Variants in PPP2R2B observed in about 807,000 individuals in gnomAD.
The protein encoded by PPP2R2B is protein phosphatase 2 regulatory subunit Bbeta.
A neutral mutation model predicts 46.0 loss-of-function variants in PPP2R2B; 5 were observed. The observed-to-expected ratio is 0.11, with a 90% CI of 0.06 to 0.23. The LOEUF (loss-of-function observed/expected upper bound fraction) is 0.23, where lower values mean the gene tolerates loss of function less well. Ranked by LOEUF, PPP2R2B falls within the 10% of genes least tolerant of loss-of-function variation. The pLI, the probability that PPP2R2B is intolerant of heterozygous loss-of-function variation, is 1.00. For missense variants in PPP2R2B, 367 were observed against 575.0 expected (o/e 0.64, Z 3.70); for synonymous variants, 215 against 206.7 (o/e 1.04, Z -0.34).
Position 146,754,979 on chromosome 5 carries a change from TGAGA to T in PPP2R2B, c.71-53841_71-53838del, listed in dbSNP as rs1462101480. On this transcript the variant is annotated intron_variant, in intron 2 of 9. Coordinates refer to ENST00000394411, the MANE Select transcript of PPP2R2B (RefSeq NM_181675.4). ...TTGGATTGCTCACTCTCAGAAAGTG[TGAGA>T]GATAGTAAATATTTGTTATTTCAAG... Among the ~76,000 whole-genome samples, 6 of 152,236 alleles carry T rather than the reference TGAGA, an allele frequency of 3.9e-5. No homozygotes were observed. In the East Asian group the frequency reaches 1.2e-3, roughly 29 times the overall value.
chr5:146,645,633 G>C (rs1393877831), intron 6 of PPP2R2B, among the ~76,000 whole-genome samples: 2 of 152,120 alleles, frequency 1.3e-5, no homozygotes, highest in Non-Finnish European at 2.9e-5. Context: ...AGGCTACCTG[G>C]TCCCTTAATT....
At chr5:147,048,850 T>A (rs1041736585) in intron 1 of PPP2R2B, among the ~76,000 whole-genome samples, 1 of 152,182 alleles carries the variant, frequency 6.6e-6, no homozygotes, top group Non-Finnish European at 1.5e-5. Context: ...ATTTATTATA[T>A]GCTTAATATG....
chr5:146,956,706 A>G (rs769561980), intron 1 of PPP2R2B, among the ~76,000 whole-genome samples: 2 of 152,178 alleles, frequency 1.3e-5, no homozygotes, highest in Non-Finnish European at 2.9e-5. Context: ...AGTACCATAG[A>G]CTGAGTGCCT....
In PPP2R2B at chr5:147,038,028, G is replaced by A. The variant is rs191350836; in HGVS notation, c.79+17637C>T. On this transcript the variant is annotated intron_variant, in intron 1 of 8. Coordinates refer to the PPP2R2B transcript ENST00000336640. ...GCGAATCATTGCCCTCCTGGGTCAC[G>A]GAGAAGCTGGCACTCAGATTGTGTT... Among the ~76,000 whole-genome samples the A allele has an allele frequency of 9.9e-5, 15 of 152,226 alleles. No individual in the cohort carries two copies. In the East Asian group the frequency reaches 2.3e-3, roughly 24 times the overall value.
chr5:147,054,961 T>C (rs1757006526), intron 1 of PPP2R2B, among the ~76,000 whole-genome samples: 2 of 152,144 alleles, frequency 1.3e-5, no homozygotes, highest in South Asian at 4.1e-4. Context: ...TGAAAGGGAA[T>C]TGCCAGAATG....
intron 2 of PPP2R2B, among the ~76,000 whole-genome samples, chr5:146,802,911 A>G (rs918941278): frequency 2.6e-5 from 4 of 152,194 alleles, no homozygotes; most frequent in Admixed American, 1.3e-4. Context: ...CAACCTGGCT[A>G]TTAGAACTAA....
At chr5:146,887,211 T>A (rs775274351) in intron 1 of PPP2R2B, among the ~76,000 whole-genome samples, 24 of 152,140 alleles carry the variant, frequency 1.6e-4, no homozygotes, top group Non-Finnish European at 2.9e-4. Flanking sequence ...TTATATCAAA[T>A]CTTTGAAATC....
At chr5:146,812,963 G>A (rs1757718356) in intron 2 of PPP2R2B, among the ~76,000 whole-genome samples, 2 of 148,696 alleles carry the variant, frequency 1.3e-5, no homozygotes. Flanking sequence ...GGGAATTATG[G>A]GAGCTACAAT....
chr5:146,707,174 G>A (rs1390102701), intron 2 of PPP2R2B: 33 of 1,589,038 alleles, frequency 2.1e-5, no homozygotes, highest in Non-Finnish European at 2.8e-5. Flanking sequence ...TGCCGCCTAA[G>A]GCTGTTGATG....
Position 146,638,242 on chromosome 5 carries a change from G to C in PPP2R2B, c.790+9C>G. On this transcript the variant is annotated intron_variant, in intron 7 of 9. Transcript: ENST00000394411. ...CCATGCCCCCCACCTCCCTTCAGTTGCTACTCACATTTGGTGTGCCTGTCA... is the reference window on the plus strand; with the variant it reads ...CCATGCCCCCCACCTCCCTTCAGTTCCTACTCACATTTGGTGTGCCTGTCA... 6.2e-7 allele frequency: 1 copy of C among 1,611,324 alleles called. No individual in the cohort carries two copies. The highest frequency in any genetic ancestry group is 2.2e-5 in the East Asian group (1 of 44,812).
intron 8 of PPP2R2B, among the ~76,000 whole-genome samples, chr5:146,596,575 C>T (rs758315860): frequency 5.9e-5 from 9 of 152,216 alleles, no homozygotes; most frequent in Non-Finnish European, 1.0e-4. Flanking sequence ...CTAGTTAAGG[C>T]TCCCCAGCAG....
intron 2 of PPP2R2B, among the ~76,000 whole-genome samples, chr5:147,073,391 G>GA (rs1757661948): frequency 6.6e-6 from 1 of 152,046 alleles, no homozygotes; most frequent in African/African-American, 2.4e-5. Context: ...TCACAGCTGA[G>GA]AAAAAATGCT....
At chr5:146,994,274 A>G (rs183712742) in intron 1 of PPP2R2B, among the ~76,000 whole-genome samples, 5 of 152,266 alleles carry the variant, frequency 3.3e-5, no homozygotes, top group Admixed American at 1.3e-4. Context: ...AGGCTCAGAG[A>G]GGTAATAACT....
At chr5:146,717,689 C>T (rs1322441709) in intron 2 of PPP2R2B, among the ~76,000 whole-genome samples, 1 of 152,106 alleles carries the variant, frequency 6.6e-6, no homozygotes, top group Non-Finnish European at 1.5e-5. Context: ...GGTAGGTCAT[C>T]ATTAAGAACA....
chr5:146,821,167 T>G (rs148239759), intron 2 of PPP2R2B, among the ~76,000 whole-genome samples: 12 of 151,936 alleles, frequency 7.9e-5, no homozygotes, highest in African/African-American at 2.2e-4. Context: ...CTCCAACACC[T>G]ATATATATAT....
At chr5:147,008,162 A>G (rs1193841044) in intron 1 of PPP2R2B, among the ~76,000 whole-genome samples, 12 of 152,160 alleles carry the variant, frequency 7.9e-5, no homozygotes, top group Non-Finnish European at 1.5e-4. Flanking sequence ...GCAGAGAATG[A>G]CATTCATTGG....
intron 2 of PPP2R2B, among the ~76,000 whole-genome samples, chr5:146,813,234 TA>T (rs200769283): frequency 0.027 from 4,046 of 151,590 alleles, 63 homozygotes; most frequent in Non-Finnish European, 0.034. Context: ...TAATAATCAT[TA>T]AAAAAAACCC....
chr5:146,897,140 T>C (rs1762670997), intron 1 of PPP2R2B, among the ~76,000 whole-genome samples: 1 of 152,194 alleles, frequency 6.6e-6, no homozygotes, highest in South Asian at 2.1e-4. Flanking sequence ...CATGTGTTTC[T>C]GAGAGAAGAC....
intron 2 of PPP2R2B, among the ~76,000 whole-genome samples, chr5:146,856,185 C>G (rs1760652716): frequency 6.6e-6 from 1 of 152,140 alleles, no homozygotes; most frequent in African/African-American, 2.4e-5. Context: ...ATAAAGCAGG[C>G]TCTATTCTTG....
Sources: gnomAD v4.1 joint callset for allele counts (sites outside exome capture counted in the v4.1 genomes callset) on GRCh38, gnomAD v4.1.1 for gene constraint, MANE v1.5 for transcripts, NCBI Gene and HGNC (gene_info 2026-07-23, HGNC 2026-07-21) for gene names.